RBMS3: variants seen among roughly 807,000 people sequenced by gnomAD.
RBMS3 encodes RNA binding motif single stranded interacting protein 3.
A neutral mutation model predicts 66.8 loss-of-function variants in RBMS3; 27 were observed. The observed-to-expected ratio is 0.40, with a 90% confidence interval of 0.30 to 0.56. RBMS3 has a LOEUF of 0.56. RBMS3 is among the 20% of genes least tolerant of loss of function. The probability of loss-of-function intolerance (pLI) is 0.40; values close to 1 mark genes in which losing one functional copy is unlikely to be tolerated. For missense variants in RBMS3, 513 were observed against 549.5 expected (o/e 0.93, Z 0.66); for synonymous variants, 188 against 183.0 (o/e 1.03, Z -0.22).
chr3:29,913,728 C>T (rs1272937372), intron 10 of RBMS3, among the ~76,000 whole-genome samples: 1 of 151,922 alleles, frequency 6.6e-6, no homozygotes, highest in Non-Finnish European at 1.5e-5. Context: ...TTAATCAATA[C>T]ACATTAGAAC....
intron 3 of RBMS3, among the ~76,000 whole-genome samples, chr3:29,510,319 C>T (rs1020935041): frequency 3.9e-5 from 6 of 152,142 alleles, no homozygotes; most frequent in East Asian, 3.8e-4. Context: ...TCTCCCAACG[C>T]GCTATACTTA....
chr3:29,750,642 C>G (rs1051999657), intron 5 of RBMS3, among the ~76,000 whole-genome samples: 1 of 152,066 alleles, frequency 6.6e-6, no homozygotes, highest in African/African-American at 2.4e-5. Flanking sequence ...CAGATTACTT[C>G]ATCACCCATA....
At chr3:29,408,576 A>G (rs2040128275) in intron 1 of RBMS3, among the ~76,000 whole-genome samples, 1 of 152,120 alleles carries the variant, frequency 6.6e-6, no homozygotes, top group Non-Finnish European at 1.5e-5. Context: ...CTGTACTTTT[A>G]GGGGGGTTAT....
intron 3 of RBMS3, among the ~76,000 whole-genome samples, chr3:29,532,623 A>G (rs770028342): frequency 6.6e-6 from 1 of 152,104 alleles, no homozygotes; most frequent in Non-Finnish European, 1.5e-5. Flanking sequence ...GTCGCTACTC[A>G]GGAGGATGAG....
intron 3 of RBMS3, among the ~76,000 whole-genome samples, chr3:29,570,977 C>T (rs994988001): frequency 6.6e-6 from 1 of 152,090 alleles, no homozygotes; most frequent in Admixed American, 6.6e-5. Context: ...TCACTACAAC[C>T]TCTCCAACAT....
At chr3:29,597,635 C>A (rs528775458) in intron 4 of RBMS3, among the ~76,000 whole-genome samples, 1 of 152,206 alleles carries the variant, frequency 6.6e-6, no homozygotes, top group African/African-American at 2.4e-5. Flanking sequence ...CACATTAACT[C>A]CTTCTTCATA....
At chr3:29,629,505 G>A (rs1219504373) in intron 4 of RBMS3, among the ~76,000 whole-genome samples, 3 of 152,208 alleles carry the variant, frequency 2.0e-5, no homozygotes, top group South Asian at 4.1e-4. Context: ...GTTCTAAGTG[G>A]AGACTGCTAA....
chr3:29,979,433 T>TA (rs1697827394), intron 12 of RBMS3, among the ~76,000 whole-genome samples: 1 of 152,146 alleles, frequency 6.6e-6, no homozygotes, highest in Non-Finnish European at 1.5e-5. Flanking sequence ...TTGAAGAAGT[T>TA]TAGCTAAGAT....
chr3:29,376,713 C>A (rs1383158734), intron 1 of RBMS3, among the ~76,000 whole-genome samples: 1 of 152,144 alleles, frequency 6.6e-6, no homozygotes, highest in Non-Finnish European at 1.5e-5. Flanking sequence ...GGAGACCATC[C>A]TGGCTAATAT....
chr3:29,441,908 C>T (rs1273514390), intron 2 of RBMS3, among the ~76,000 whole-genome samples: 1 of 152,134 alleles, frequency 6.6e-6, no homozygotes, highest in African/African-American at 2.4e-5. Context: ...TACCACTGTG[C>T]TTTCAATTAT....
chr3:29,398,866 C>T (rs1477902782), intron 1 of RBMS3, among the ~76,000 whole-genome samples: 1 of 152,162 alleles, frequency 6.6e-6, no homozygotes, highest in Non-Finnish European at 1.5e-5. Context: ...TGTAATTTAG[C>T]TCTGGGAACT....
At chr3:29,622,399 T>G (rs936073952) in intron 4 of RBMS3, among the ~76,000 whole-genome samples, 10 of 152,250 alleles carry the variant, frequency 6.6e-5, no homozygotes, top group Admixed American at 5.9e-4. Context: ...TGTTCTGAGC[T>G]TGTGTTGTTG....
At chr3:29,837,420 T>C (rs2058540701) in intron 6 of RBMS3, among the ~76,000 whole-genome samples, 1 of 151,570 alleles carries the variant, frequency 6.6e-6, no homozygotes. Context: ...ATTTAGAACA[T>C]TTAATCTGGA....
chr3:29,857,004 T>C (rs1382945371), intron 6 of RBMS3, among the ~76,000 whole-genome samples: 1 of 152,122 alleles, frequency 6.6e-6, no homozygotes, highest in Non-Finnish European at 1.5e-5. Flanking sequence ...TTAGAAAAAA[T>C]ACCATCTCAG....
At chr3:29,333,752 CA>C (rs1166193569) in intron 1 of RBMS3, among the ~76,000 whole-genome samples, 2 of 152,128 alleles carry the variant, frequency 1.3e-5, no homozygotes, top group Admixed American at 1.3e-4. Flanking sequence ...GCATCTTTAA[CA>C]AGTAAGAACA....
chr3:29,718,383 T>C lies in RBMS3; in HGVS notation c.400-21337T>C, dbSNP rs531989952. 3.9e-5 allele frequency among the ~76,000 whole-genome samples: 6 copies of C among 152,140 alleles called. No individual in the cohort carries two copies. The East Asian group carries it at 1.2e-3, about 30-fold the overall frequency. The stretch of plus-strand genomic sequence containing the variant: ...CAAAAATTTTAGTGCATTAAGTTTA[T>C]TTAGGAAGTGATCCATGAAAACAGA... On this transcript the variant is annotated intron_variant, in intron 4 of 14. Coordinates refer to ENST00000383767, the MANE Select transcript of RBMS3 (RefSeq NM_001003793.3).
intron 12 of RBMS3, among the ~76,000 whole-genome samples, chr3:29,976,865 T>G (rs1297804770): frequency 2.6e-5 from 4 of 152,062 alleles, no homozygotes; most frequent in Non-Finnish European, 5.9e-5. Context: ...TACCTCTGCT[T>G]GAGGTAATAC....
At chr3:29,776,343 A>G (rs1410064100) in intron 6 of RBMS3, among the ~76,000 whole-genome samples, 3 of 151,906 alleles carry the variant, frequency 2.0e-5, no homozygotes, top group African/African-American at 7.2e-5. Flanking sequence ...TAACTTGAAC[A>G]AGTTATTTAG....
At chr3:29,816,311 G>GACACACACACAC (rs66518208) in intron 6 of RBMS3, among the ~76,000 whole-genome samples, 9 of 69,056 alleles carry the variant, frequency 1.3e-4, no homozygotes, top group Admixed American at 4.6e-4. Flanking sequence ...GACACACACA[G>GACACACACACAC]ACACACACAC....
Sources: gnomAD v4.1 joint callset for allele counts (sites outside exome capture counted in the v4.1 genomes callset) on GRCh38, gnomAD v4.1.1 for gene constraint, MANE v1.5 for transcripts, NCBI Gene and HGNC (gene_info 2026-07-23, HGNC 2026-07-21) for gene names.